Variants in JHY observed in about 807,000 individuals in gnomAD.
The protein encoded by JHY is jhy protein homolog.
A neutral mutation model predicts 78.0 loss-of-function variants in JHY; 69 were observed. The observed-to-expected ratio is 0.88, with a 90% confidence interval of 0.73 to 1.08. JHY has a LOEUF of 1.08. Among genes scored for constraint, JHY ranks in the 50% least tolerant of loss-of-function variants. The probability of loss-of-function intolerance (pLI) is 0.00; values close to 1 mark genes in which losing one functional copy is unlikely to be tolerated. For synonymous variants in JHY, 368 were observed against 342.6 expected (o/e 1.07, Z -0.82); for missense variants, 944 against 927.8 (o/e 1.02, Z -0.23).
At chr11:122,887,819 G>A (rs1311928082) in intron 2 of JHY, among the ~76,000 whole-genome samples, 2 of 152,026 alleles carry the variant, frequency 1.3e-5, no homozygotes. Context: ...GACTGAGTAG[G>A]GGTCTGATTA....
rs1283702691 is a variant in JHY at position 122,898,889 on chromosome 11, AT to A, written c.345-5032del. On this transcript the variant is annotated intron_variant, in intron 2 of 8. Transcript: ENST00000227349. This position sits in a 1 kb window ranked among gnomAD's most constrained non-coding sequence, Gnocchi z 4.4. ...TCGACCTGCCCTCCTCTCACCCTCC[AT>A]TTTGTCCACACAGAATTTGTTCTAT... 6.6e-6 allele frequency among the ~76,000 whole-genome samples: 1 copy of A among 151,816 alleles called. No individual in the cohort carries two copies. Among genetic ancestry groups the A allele is most frequent in the Non-Finnish European group, 1.5e-5 (1 of 67,978 alleles).
At chr11:122,890,132 C>G (rs1030107642) in intron 2 of JHY, among the ~76,000 whole-genome samples, 3 of 151,716 alleles carry the variant, frequency 2.0e-5, no homozygotes, top group Non-Finnish European at 4.4e-5. Flanking sequence ...GGTTTGGTGA[C>G]AGATTAGATA....
Position 122,886,211 on chromosome 11 carries a change from G to A in JHY, c.344+18G>A. ...AATAACAGGTAAGGAATTGGCTTGT[G>A]TAAGATAATAATGGGCTCTAAAATG... On this transcript the variant is annotated intron_variant, in intron 2 of 8. Transcript: ENST00000227349. The A allele has an allele frequency of 5.0e-6, 8 of 1,585,986 alleles. No individual in the cohort carries two copies. Among genetic ancestry groups the A allele is most frequent in the Non-Finnish European group, 6.9e-6 (8 of 1,165,202 alleles).
At chr11:122,899,022 T>C (rs973382147) in intron 2 of JHY, among the ~76,000 whole-genome samples, 12 of 152,172 alleles carry the variant, frequency 7.9e-5, no homozygotes, top group Admixed American at 2.0e-4. Context: ...ACGCCAGCAC[T>C]TCCTCCAGAA....
intron 2 of JHY, among the ~76,000 whole-genome samples, chr11:122,900,511 C>CTTTTTTTTT (rs374998954): frequency 5.5e-4 from 36 of 65,066 alleles, no homozygotes; most frequent in Non-Finnish European, 6.2e-4. Flanking sequence ...ATACTACCAG[C>CTTTTTTTTT]TTTTTTTTTT....
intron 4 of JHY, among the ~76,000 whole-genome samples, chr11:122,933,110 C>A (rs955182967): frequency 2.0e-5 from 3 of 152,096 alleles, no homozygotes; most frequent in African/African-American, 7.2e-5. Flanking sequence ...TAGAACACTG[C>A]TTAATATTAT....
intron 3 of JHY, chr11:122,905,292 C>T: frequency 6.2e-7 from 1 of 1,611,312 alleles, no homozygotes; most frequent in African/African-American, 1.3e-5. Context: ...ATGGACATGT[C>T]CAGGGATACA....
chr11:122,901,748 C>CT (rs1169116282), intron 2 of JHY, among the ~76,000 whole-genome samples: 1 of 151,908 alleles, frequency 6.6e-6, no homozygotes, highest in African/African-American at 2.4e-5. Context: ...TGGCAGGTGC[C>CT]TGTAGTCCCA....
Position 122,910,560 on chromosome 11 carries a change from A to C in JHY, c.864+6116A>C, listed in dbSNP as rs141412136. ...ATAAGAAATTGTGGACGGCTACAAA[A>C]GCAGTTAATTGCAAGAGGTGGAGGG... On this transcript the variant is annotated intron_variant, in intron 3 of 8. Coordinates refer to ENST00000227349, the MANE Select transcript of JHY (RefSeq NM_024806.4). 2.6e-4 allele frequency among the ~76,000 whole-genome samples: 40 copies of C among 152,280 alleles called. 1 individual carries two copies. The East Asian group carries it at 7.3e-3, about 28-fold the overall frequency.
chr11:122,925,720 A>G (rs1863483001), intron 4 of JHY, among the ~76,000 whole-genome samples: 1 of 151,888 alleles, frequency 6.6e-6, no homozygotes, highest in Non-Finnish European at 1.5e-5. Context: ...TGTCTCTACT[A>G]AAAATACAAA....
chr11:122,959,343 A>C lies in JHY; in HGVS notation c.2235A>C (p.Lys745Asn). 6.2e-7 allele frequency: 1 copy of C among 1,614,204 alleles called. No individual in the cohort carries two copies. The highest frequency in any genetic ancestry group is 8.5e-7 in the Non-Finnish European group (1 of 1,180,024). Residue 745 changes from lysine (K) to asparagine (N), a missense_variant, in exon 9 of 9, where the codon AAA (lysine) becomes AAC (asparagine). Coordinates refer to ENST00000227349, the MANE Select transcript of JHY (RefSeq NM_024806.4). The stretch of plus-strand genomic sequence containing the variant: ...AAAAAAATCCAACCTATGCTGGGAA[A>C]GAAGAAAGTTTACCTGAAATCTCAC... ...KEQKNPTYAG[K>N]EESLPEISLL...
At chr11:122,925,760 G>A (rs948235392) in intron 4 of JHY, among the ~76,000 whole-genome samples, 5 of 151,994 alleles carry the variant, frequency 3.3e-5, no homozygotes, top group African/African-American at 1.2e-4. Flanking sequence ...GCTCATGCCT[G>A]TCATCCCAGC....
At chr11:122,941,973 G>A (rs1369007457) in intron 5 of JHY, among the ~76,000 whole-genome samples, 1 of 152,140 alleles carries the variant, frequency 6.6e-6, no homozygotes, top group Non-Finnish European at 1.5e-5. Flanking sequence ...CCAGGTTCAA[G>A]TGATTCTCCT....
At chr11:122,936,988 G>A (rs1206587026) in intron 5 of JHY, among the ~76,000 whole-genome samples, 1 of 152,120 alleles carries the variant, frequency 6.6e-6, no homozygotes, top group Admixed American at 6.5e-5. Context: ...TGGGCCATTG[G>A]TGGGTTTTGT....
intron 3 of JHY, among the ~76,000 whole-genome samples, chr11:122,924,300 G>C (rs1226597069): frequency 6.6e-6 from 1 of 151,950 alleles, no homozygotes; most frequent in Non-Finnish European, 1.5e-5. Context: ...TGCATGTGCA[G>C]GCTCCGGAGA....
intron 3 of JHY, among the ~76,000 whole-genome samples, chr11:122,914,408 G>T (rs1863192814): frequency 6.6e-6 from 1 of 151,862 alleles, no homozygotes; most frequent in Non-Finnish European, 1.5e-5. Context: ...GGATTCTTCA[G>T]ATGGGTGGTG....
At chr11:122,934,351 A>C (rs1156475721) in intron 4 of JHY, 69 bp from the exon 5 acceptor site, 1 of 604,294 alleles carries the variant, frequency 1.7e-6, no homozygotes, top group Middle Eastern at 5.9e-4. Context: ...TAAATAAATA[A>C]ATAATAAAAT....
At chr11:122,951,461 A>C (rs1864081755) in intron 6 of JHY, among the ~76,000 whole-genome samples, 1 of 152,216 alleles carries the variant, frequency 6.6e-6, no homozygotes, top group Admixed American at 6.5e-5. Flanking sequence ...ATTTGGATTA[A>C]GTTTAGCAAC....
chr11:122,931,431 C>T (rs1863633199), intron 4 of JHY, among the ~76,000 whole-genome samples: 1 of 152,124 alleles, frequency 6.6e-6, no homozygotes, highest in Admixed American at 6.5e-5. Flanking sequence ...GTTTTGCCTC[C>T]AACACTATCA....
Sources: gnomAD v4.1 joint callset for allele counts (sites outside exome capture counted in the v4.1 genomes callset) on GRCh38, gnomAD v4.1.1 for gene constraint, Gnocchi (gnomAD v3.1) non-coding constraint, MANE v1.5 for transcripts, NCBI Gene and HGNC (gene_info 2026-07-23, HGNC 2026-07-21) for gene names.